Variants in RASGRF2 observed in about 807,000 individuals in gnomAD.
The protein encoded by RASGRF2 is Ras protein specific guanine nucleotide releasing factor 2.
A neutral mutation model predicts 151.0 loss-of-function variants in RASGRF2; 76 were observed. That is an observed-to-expected ratio of 0.50 (90% CI 0.42 to 0.61). RASGRF2 has a LOEUF of 0.61. Ranked by LOEUF, RASGRF2 falls within the 20% of genes least tolerant of loss-of-function variation. The pLI, the probability that RASGRF2 is intolerant of heterozygous loss-of-function variation, is 0.00. For synonymous variants in RASGRF2, 504 were observed against 566.5 expected (o/e 0.89, Z 1.57); for missense variants, 1,148 against 1,564.6 (o/e 0.73, Z 4.49).
intron 18 of RASGRF2, among the ~76,000 whole-genome samples, chr5:81,199,580 T>C (rs1755340954): frequency 6.6e-6 from 1 of 152,192 alleles, no homozygotes; most frequent in South Asian, 2.1e-4. Flanking sequence ...GAATCAGTGA[T>C]TACTGCTTTG....
chr5:81,011,148 T>C (rs1370661060), intron 1 of RASGRF2, among the ~76,000 whole-genome samples: 7 of 152,152 alleles, frequency 4.6e-5, no homozygotes, highest in African/African-American at 1.7e-4. Context: ...CTAAATTCAT[T>C]TTGGTATATT....
intron 26 of RASGRF2, among the ~76,000 whole-genome samples, chr5:81,225,020 T>C (rs557998390): frequency 2.0e-5 from 3 of 152,324 alleles, no homozygotes; most frequent in African/African-American, 7.2e-5. Context: ...TATATTTCAA[T>C]AAAACTAAAG....
intron 25 of RASGRF2, among the ~76,000 whole-genome samples, chr5:81,218,777 A>G (rs1422664439): frequency 6.6e-6 from 1 of 152,094 alleles, no homozygotes; most frequent in Admixed American, 6.6e-5. Context: ...GAATTTGTAG[A>G]TTGCTTTTGG....
Position 81,080,600 on chromosome 5 carries a change from T to C in RASGRF2, c.972T>C (p.Asp324=). 1 of 1,613,202 alleles carries C rather than the reference T, an allele frequency of 6.2e-7. No homozygotes were observed. Among genetic ancestry groups the C allele is most frequent in the Non-Finnish European group, 8.5e-7 (1 of 1,179,266 alleles). Residue 324 remains aspartate, a synonymous_variant, in exon 7 of 27, where the codon GAT becomes GAC. Transcript: ENST00000265080. ...IANWPTLILA[D]LFDILLPMLN... Reference sequence around the variant, plus strand: ...GTGTTTACTGTTTCTTTGCAGCTGATCTGTTTGATATTTTGCTCCCCATGC... The same window carrying C: ...GTGTTTACTGTTTCTTTGCAGCTGACCTGTTTGATATTTTGCTCCCCATGC...
intron 18 of RASGRF2, among the ~76,000 whole-genome samples, chr5:81,200,550 T>C (rs1246264882): frequency 1.3e-5 from 2 of 152,352 alleles, no homozygotes; most frequent in East Asian, 3.9e-4. Flanking sequence ...ATATAGATAT[T>C]GATAGCCTTA....
At chr5:81,209,739 C>T (rs1755589828) in intron 22 of RASGRF2, among the ~76,000 whole-genome samples, 1 of 152,246 alleles carries the variant, frequency 6.6e-6, no homozygotes, top group Middle Eastern at 3.4e-3. Flanking sequence ...AAGAGAGGTT[C>T]GATCCCAGGC....
chr5:81,216,372 C>CACACAT (rs1199397324), intron 24 of RASGRF2, among the ~76,000 whole-genome samples: 3 of 127,456 alleles, frequency 2.4e-5, no homozygotes. Context: ...CACACACGCA[C>CACACAT]ACACACACAC....
At chr5:80,977,772 A>G (rs1243284708) in intron 1 of RASGRF2, among the ~76,000 whole-genome samples, 1 of 152,200 alleles carries the variant, frequency 6.6e-6, no homozygotes, top group African/African-American at 2.4e-5. Context: ...TGTTATTTTA[A>G]ATTCTTCACA....
At chr5:81,119,784 G>A (rs1270219808) in intron 15 of RASGRF2, among the ~76,000 whole-genome samples, 1 of 152,246 alleles carries the variant, frequency 6.6e-6, no homozygotes, top group Non-Finnish European at 1.5e-5. Flanking sequence ...TCATATTAGA[G>A]AATTAAGTTG....
intron 18 of RASGRF2, among the ~76,000 whole-genome samples, chr5:81,191,353 C>G (rs1027316781): frequency 6.6e-6 from 1 of 152,080 alleles, no homozygotes; most frequent in African/African-American, 2.4e-5. Flanking sequence ...ATGCTACTTC[C>G]TGTAACTCTA....
At chr5:81,013,838 C>T (rs1464967596) in intron 1 of RASGRF2, among the ~76,000 whole-genome samples, 1 of 152,064 alleles carries the variant, frequency 6.6e-6, no homozygotes, top group Non-Finnish European at 1.5e-5. Context: ...TCGGTGTTCC[C>T]ATTTCCCCAT....
At chr5:81,197,634 TG>T (rs1044443357) in intron 18 of RASGRF2, among the ~76,000 whole-genome samples, 2 of 152,198 alleles carry the variant, frequency 1.3e-5, no homozygotes, top group African/African-American at 4.8e-5. Flanking sequence ...AGTAAAATCT[TG>T]CTCTTTTCTT....
At chr5:81,126,546 C>A (rs546332743) in intron 16 of RASGRF2, among the ~76,000 whole-genome samples, 1 of 152,120 alleles carries the variant, frequency 6.6e-6, no homozygotes, top group Non-Finnish European at 1.5e-5. Context: ...TACTCATTAG[C>A]GGTCACTCTC....
chr5:81,077,311 G>T (rs925290210), intron 5 of RASGRF2, among the ~76,000 whole-genome samples: 1 of 152,152 alleles, frequency 6.6e-6, no homozygotes, highest in African/African-American at 2.4e-5. Flanking sequence ...TGGAGGACAA[G>T]ATCTTTGGAG....
chr5:81,008,404 G>C (rs1378612084), intron 1 of RASGRF2, among the ~76,000 whole-genome samples: 1 of 152,060 alleles, frequency 6.6e-6, no homozygotes, highest in Non-Finnish European at 1.5e-5. Flanking sequence ...ACCTGCTTCA[G>C]CCTCCCAAAG....
At position 81,024,549 on chromosome 5, in the gene RASGRF2, A is replaced by C. The variant is rs921612149; in HGVS notation, c.289-18328A>C. ...TGCTGGGATTACAGGCGTGAGCCAC[A>C]ATGCCTGGCCTCATATGATTATTGA... On this transcript the variant is annotated intron_variant, in intron 1 of 26. Transcript: ENST00000265080. Among the ~76,000 whole-genome samples, 5 of 152,006 alleles carry C rather than the reference A, an allele frequency of 3.3e-5. No individual in the cohort carries two copies. The East Asian group carries it at 9.7e-4, about 29-fold the overall frequency.
At chr5:81,137,967 T>C (rs1457193059) in intron 17 of RASGRF2, among the ~76,000 whole-genome samples, 1 of 152,218 alleles carries the variant, frequency 6.6e-6, no homozygotes, top group Admixed American at 6.5e-5. Flanking sequence ...AGATTTATGT[T>C]ATCTGGCTAG....
In RASGRF2 at chr5:81,109,016, T is replaced by C; in HGVS notation, c.1776T>C (p.Cys592=). 6.2e-7 allele frequency: 1 copy of C among 1,611,006 alleles called. No homozygotes were observed. The highest frequency in any genetic ancestry group is 8.5e-7 in the Non-Finnish European group (1 of 1,177,476). ...DISQCVDNIR[C]NGLMTIVFEE... ...CACAGTGTGTGGACAATATACGATG[T>C]AATGGTTTAATGACTATAGTGTTTG... Residue 592 remains cysteine, a synonymous_variant, in exon 13 of 27, where the codon TGT becomes TGC. Transcript: ENST00000265080.
At chr5:81,028,779 C>A (rs534109584) in intron 1 of RASGRF2, among the ~76,000 whole-genome samples, 7 of 152,312 alleles carry the variant, frequency 4.6e-5, no homozygotes, top group African/African-American at 1.7e-4. Context: ...ACTGAGGTAC[C>A]AGGTTCATCT....
Sources: allele counts gnomAD v4.1 joint callset (sites outside exome capture counted in the v4.1 genomes callset), GRCh38; gene constraint gnomAD v4.1.1; transcripts MANE v1.5; gene names NCBI Gene and HGNC (gene_info 2026-07-23, HGNC 2026-07-21).